Variants in ZNF536 observed in about 807,000 individuals in gnomAD.
ZNF536 encodes zinc finger protein 536.
ZNF536 carries 13 observed loss-of-function variants against 84.5 expected under a neutral mutation model. The observed-to-expected ratio is 0.15, with a 90% CI of 0.10 to 0.24. The LOEUF (loss-of-function observed/expected upper bound fraction) is 0.24. Ranked by LOEUF, ZNF536 falls within the 10% of genes least tolerant of loss-of-function variation. ZNF536 has a pLI of 1.00. For missense variants in ZNF536, 1,536 were observed against 1,747.5 expected (o/e 0.88, Z 2.16); for synonymous variants, 811 against 742.5 (o/e 1.09, Z -1.50).
intron 1 of ZNF536, among the ~76,000 whole-genome samples, chr19:30,439,524 A>G (rs2051915877): frequency 6.6e-6 from 1 of 152,154 alleles, no homozygotes; most frequent in Non-Finnish European, 1.5e-5. Flanking sequence ...TACTCTTTCC[A>G]GGAACTCGTG....
chr19:30,444,293 C>G lies in ZNF536; in HGVS notation c.731C>G (p.Ala244Gly), dbSNP rs202070946. 1.3e-3 allele frequency: 2,119 copies of G among 1,576,196 alleles called. 4 individuals are homozygous for G. The highest frequency in any genetic ancestry group is 1.6e-3 in the Non-Finnish European group (1,897 of 1,168,804). ...PLAACTLALQ[A>G]NHSVPDVAHP... ...GCCGCCTGCACCCTGGCCCTGCAGGCTAACCACAGCGTTCCCGACGTGGCC... is the reference window on the plus strand; with the variant it reads ...GCCGCCTGCACCCTGGCCCTGCAGGGTAACCACAGCGTTCCCGACGTGGCC... The change falls in exon 2 of 5, where the codon GCT becomes GGT. Residue 244 changes from alanine (A) to glycine (G), a missense_variant. By Grantham distance (60) the Ala-to-Gly change is moderately conservative. This residue lies in a region of ZNF536 where 138 missense variants were observed against 136.8 expected (regional missense o/e 1.01). Transcript: ENST00000355537.
chr19:30,425,856 C>T (rs896877405), intron 1 of ZNF536, among the ~76,000 whole-genome samples: 3 of 152,312 alleles, frequency 2.0e-5, no homozygotes, highest in Middle Eastern at 6.8e-3. Flanking sequence ...CATGTAGGGA[C>T]TGTGGTGGGC....
chr19:30,462,939 T>G (rs2866970), intron 2 of ZNF536, among the ~76,000 whole-genome samples: 26,410 of 132,782 alleles, frequency 0.2, 4,784 homozygotes, highest in African/African-American at 0.42. Flanking sequence ...AAGGATGTGT[T>G]TGCTGGGATG....
intron 2 of ZNF536, among the ~76,000 whole-genome samples, chr19:30,520,879 C>G (rs183042636): frequency 6.6e-6 from 1 of 152,230 alleles, no homozygotes; most frequent in East Asian, 1.9e-4. Flanking sequence ...GGAGGCTGGG[C>G]GAAGGTAGGA....
chr19:30,450,581 AT>A (rs3837963), intron 2 of ZNF536, among the ~76,000 whole-genome samples: 108,728 of 152,034 alleles, frequency 0.72, 39,860 homozygotes, highest in African/African-American at 0.88. Context: ...ATGCTTAAAA[AT>A]TTTTTTAGCC....
At chr19:30,580,709 A>G (rs979291924) in intron 1 of ZNF536, among the ~76,000 whole-genome samples, 1 of 152,128 alleles carries the variant, frequency 6.6e-6, no homozygotes, top group African/African-American at 2.4e-5. Context: ...TGCAGAAACA[A>G]TAGGGTCTCG....
At chr19:30,692,682 T>G (rs773533932) in intron 1 of ZNF536, among the ~76,000 whole-genome samples, 34 of 152,268 alleles carry the variant, frequency 2.2e-4, no homozygotes, top group Non-Finnish European at 4.3e-4. Flanking sequence ...TTGCAACTGC[T>G]GGCGGTGACA....
chr19:30,667,152 A>T (rs574383685), intron 1 of ZNF536, among the ~76,000 whole-genome samples: 1 of 152,310 alleles, frequency 6.6e-6, no homozygotes, highest in African/African-American at 2.4e-5. Context: ...AGCACCGAGG[A>T]CTAATGACTG....
intron 1 of ZNF536, among the ~76,000 whole-genome samples, chr19:30,701,974 G>A (rs2052004069): frequency 6.6e-6 from 1 of 152,082 alleles, no homozygotes; most frequent in South Asian, 2.1e-4. Flanking sequence ...CCACAGGGTG[G>A]TCACCTCTTC....
intron 1 of ZNF536, among the ~76,000 whole-genome samples, chr19:30,376,115 T>G (rs940872788): frequency 5.3e-5 from 8 of 152,180 alleles, no homozygotes; most frequent in African/African-American, 1.9e-4. Context: ...TAGCGCCCTC[T>G]CCCTCAACCC....
intron 2 of ZNF536, among the ~76,000 whole-genome samples, chr19:30,501,934 T>A (rs957081375): frequency 6.6e-6 from 1 of 152,154 alleles, no homozygotes; most frequent in Non-Finnish European, 1.5e-5. Context: ...GGGAGGTAGC[T>A]CAAGTGCTGG....
chr19:30,411,992 T>A (rs2050514240), intron 1 of ZNF536, among the ~76,000 whole-genome samples: 1 of 152,044 alleles, frequency 6.6e-6, no homozygotes, highest in African/African-American at 2.4e-5. Context: ...TGCCCATGTC[T>A]TATTATATTT....
intron 1 of ZNF536, among the ~76,000 whole-genome samples, chr19:30,402,884 T>G (rs917365762): frequency 6.7e-6 from 1 of 150,028 alleles, no homozygotes; most frequent in Non-Finnish European, 1.5e-5. Context: ...CGGAGGGGAA[T>G]GTTACCCCCA....
rs1343957572 is a variant in ZNF536, at chr19:30,237,127, G to A, written c.-190+8454G>A. Among the ~76,000 whole-genome samples, 4 of 152,026 alleles carry A rather than the reference G, an allele frequency of 2.6e-5. No individual in the cohort carries two copies. The East Asian group carries it at 7.7e-4, about 29-fold the overall frequency. On this transcript the variant is annotated intron_variant, in intron 1 of 5. Coordinates refer to the ZNF536 transcript ENST00000585628. ...AATACCAGGCCCCTGTGTGGATCTG[G>A]GGGACAGCAGGAGTCTGTTGTTAAG...
At chr19:30,240,241 C>A (rs141259558) in intron 1 of ZNF536, among the ~76,000 whole-genome samples, 2 of 151,972 alleles carry the variant, frequency 1.3e-5, no homozygotes, top group African/African-American at 4.8e-5. Flanking sequence ...GGCATGGTGG[C>A]GGGTGCCTGT....
At chr19:30,507,843 A>G (rs1035112778) in intron 2 of ZNF536, among the ~76,000 whole-genome samples, 2 of 152,192 alleles carry the variant, frequency 1.3e-5, no homozygotes, top group Non-Finnish European at 2.9e-5. Context: ...CAAGTGTTTC[A>G]TGCGCATACG....
At chr19:30,423,683 A>G (rs2147880046) in intron 1 of ZNF536, among the ~76,000 whole-genome samples, 1 of 152,336 alleles carries the variant, frequency 6.6e-6, no homozygotes, top group South Asian at 2.1e-4. Context: ...CAGTCTGCTC[A>G]ATGTGTCCCC....
chr19:30,585,396 A>G (rs1473622834), intron 1 of ZNF536, among the ~76,000 whole-genome samples: 2 of 152,220 alleles, frequency 1.3e-5, no homozygotes, highest in Non-Finnish European at 2.9e-5. Context: ...AGATGGATGG[A>G]TGAATGGATG....
chr19:30,306,216 A>T (rs2046340162), intron 2 of ZNF536, among the ~76,000 whole-genome samples: 1 of 136,046 alleles, frequency 7.4e-6, no homozygotes, highest in Non-Finnish European at 1.5e-5. Flanking sequence ...TTTTGTAAAG[A>T]GATGCTTGTT....
Sources: gnomAD v4.1 joint callset for allele counts (sites outside exome capture counted in the v4.1 genomes callset) on GRCh38, gnomAD v4.1.1 for gene constraint, gnomAD v4.1.1 regional missense constraint, MANE v1.5 for transcripts, NCBI Gene and HGNC (gene_info 2026-07-23, HGNC 2026-07-21) for gene names.